The following SIL1 variants were observed in gnomAD, a reference collection of about 807,000 sequenced individuals.
The protein encoded by SIL1 is SIL1 nucleotide exchange factor.
In SIL1, 40 loss-of-function variants were observed where a neutral mutation model predicts 49.1. The ratio of observed to expected loss-of-function variants is 0.81; its 90% CI spans 0.63 to 1.06. The LOEUF is 1.06. SIL1 is among the 50% of genes least tolerant of loss of function. The pLI is 0.00. For synonymous variants in SIL1, 253 were observed against 250.8 expected (o/e 1.01, Z -0.08); for missense variants, 500 against 572.6 (o/e 0.87, Z 1.29).
chr5:138,956,015 G>T (rs1766894069), intron 7 of SIL1, among the ~76,000 whole-genome samples: 1 of 152,262 alleles, frequency 6.6e-6, no homozygotes, highest in Admixed American at 6.5e-5. Context: ...ACTGAAGAGA[G>T]CTTCTGTGAT....
intron 3 of SIL1, among the ~76,000 whole-genome samples, chr5:139,097,359 T>C (rs1206222056): frequency 1.3e-5 from 2 of 151,908 alleles, no homozygotes; most frequent in African/African-American, 4.8e-5. Flanking sequence ...TGAGTGAACA[T>C]AGGCAATAGC....
At chr5:139,089,181 G>A (rs1770289498) in intron 3 of SIL1, among the ~76,000 whole-genome samples, 2 of 152,208 alleles carry the variant, frequency 1.3e-5, no homozygotes, top group African/African-American at 4.8e-5. Context: ...AGACTCCTGA[G>A]AAGGCCTTTT....
intron 7 of SIL1, among the ~76,000 whole-genome samples, chr5:138,985,242 T>A (rs1561815995): frequency 6.6e-6 from 1 of 152,228 alleles, no homozygotes; most frequent in Non-Finnish European, 1.5e-5. Flanking sequence ...GTTTTTGGTC[T>A]CCTTCTGAGA....
intron 5 of SIL1, among the ~76,000 whole-genome samples, chr5:139,032,281 G>T (rs957149930): frequency 6.6e-6 from 1 of 152,182 alleles, no homozygotes; most frequent in Admixed American, 6.5e-5. Context: ...AATGGGTACT[G>T]AATATGGTCA....
At chr5:139,107,982 C>A (rs951775950) in intron 3 of SIL1, 1 of 152,198 alleles carries the variant, frequency 6.6e-6, no homozygotes, top group African/African-American at 2.4e-5. Context: ...CCCAGGTAGA[C>A]TGACTCTAAA....
chr5:139,026,702 G>A, intron 6 of SIL1, 99 bp downstream of exon 6: 1 of 1,059,098 alleles, frequency 9.4e-7, no homozygotes, highest in Non-Finnish European at 1.5e-6. Flanking sequence ...CTCTGGGAGA[G>A]AAGTAAAGAT....
At chr5:139,018,885 G>A (rs557115369) in intron 7 of SIL1, among the ~76,000 whole-genome samples, 12 of 152,130 alleles carry the variant, frequency 7.9e-5, no homozygotes, top group African/African-American at 2.4e-4. Flanking sequence ...CCCTGTTAAC[G>A]TAAGAAAAAG....
chr5:139,070,021 C>T (rs1441514576), intron 3 of SIL1, among the ~76,000 whole-genome samples: 1 of 151,978 alleles, frequency 6.6e-6, no homozygotes, highest in Admixed American at 6.6e-5. Context: ...ATAAGTAAGA[C>T]CGGCGGTAAA....
chr5:139,167,468 AT>A (rs1447939404), intron 1 of SIL1, among the ~76,000 whole-genome samples: 1 of 152,182 alleles, frequency 6.6e-6, no homozygotes, highest in African/African-American at 2.4e-5. Context: ...TTTTGTCTTT[AT>A]TTTTAACAAA....
chr5:138,949,136 A>AG (rs1766704710), intron 9 of SIL1, among the ~76,000 whole-genome samples: 1 of 152,234 alleles, frequency 6.6e-6, no homozygotes, highest in African/African-American at 2.4e-5. Context: ...TTATTTTCCC[A>AG]GCACCCGGCA....
intron 3 of SIL1, among the ~76,000 whole-genome samples, chr5:139,087,352 G>C (rs888141245): frequency 2.0e-5 from 3 of 152,124 alleles, no homozygotes; most frequent in Admixed American, 2.0e-4. Context: ...GGTGCCATGA[G>C]GTCCATGCTG....
At chr5:139,056,102 G>A (rs931315370) in intron 3 of SIL1, among the ~76,000 whole-genome samples, 1 of 151,762 alleles carries the variant, frequency 6.6e-6, no homozygotes, top group Admixed American at 6.5e-5. Context: ...CCCCGTCTGG[G>A]AAGTGAGGAG....
chr5:139,021,386 T>TA, intron 6 of SIL1, 94 bp from the exon 7 acceptor site: 1 of 1,543,930 alleles, frequency 6.5e-7, no homozygotes, highest in East Asian at 2.4e-5. Flanking sequence ...AAAAACAAAT[T>TA]AAAAAGCCAT....
At chr5:138,950,696 G>A (rs989863237) in intron 9 of SIL1, among the ~76,000 whole-genome samples, 8 of 152,198 alleles carry the variant, frequency 5.3e-5, no homozygotes, top group African/African-American at 1.9e-4. Flanking sequence ...CTCCTCCCAA[G>A]TGGCAAGCAA....
chr5:138,951,743 C>T (rs1057099472), intron 8 of SIL1, 45 bp downstream of exon 8: 43 of 1,559,796 alleles, frequency 2.8e-5, no homozygotes, highest in Non-Finnish European at 3.7e-5. Context: ...TCAGGCCCCA[C>T]ACGTGTCCTG....
chr5:139,101,338 G>A lies in SIL1; in HGVS notation c.244+19697C>T, dbSNP rs1339469485. Among the ~76,000 whole-genome samples, 5 of 152,020 alleles carry A rather than the reference G, an allele frequency of 3.3e-5. No homozygotes were observed. The East Asian group carries it at 9.6e-4, about 29-fold the overall frequency. On this transcript the variant is annotated intron_variant, in intron 3 of 9. Transcript: ENST00000394817. ...CCTCATCAAATACCAGCTTTTCCAA[G>A]CCCCAATTAATCTCCTATCTTTTCT...
intron 7 of SIL1, among the ~76,000 whole-genome samples, chr5:138,954,872 TAC>T (rs1229514530): frequency 2.0e-5 from 3 of 152,230 alleles, no homozygotes; most frequent in Non-Finnish European, 2.9e-5. Flanking sequence ...GAGCTAGGAC[TAC>T]CCATGTAAAA....
At position 139,084,347 on chromosome 5, in the gene SIL1, C is replaced by A. The variant is rs372629342; in HGVS notation, c.245-33301G>T. On this transcript the variant is annotated intron_variant, in intron 3 of 9. Transcript: ENST00000394817. ...GACACATGCACACGTATGTTTATTGCGGCACTATTCACAATAGCAAAGACT... is the reference window on the plus strand; with the variant it reads ...GACACATGCACACGTATGTTTATTGAGGCACTATTCACAATAGCAAAGACT... Among the ~76,000 whole-genome samples the A allele has an allele frequency of 2.3e-5, 3 of 130,262 alleles. No homozygotes were observed. In the East Asian group the frequency reaches 6.5e-4, roughly 28 times the overall value. The allele number at this position is 130,262 out of a possible 152,430, so 85.5% of individuals were successfully genotyped here.
intron 8 of SIL1, 111 bp downstream of exon 8, chr5:138,951,677 G>A (rs1176944831): frequency 9.5e-7 from 1 of 1,048,376 alleles, no homozygotes; most frequent in African/African-American, 1.6e-5. Context: ...CCACCCAGCA[G>A]ATGATGCTCA....
Sources: gnomAD v4.1 joint callset for allele counts (sites outside exome capture counted in the v4.1 genomes callset) on GRCh38, gnomAD v4.1.1 for gene constraint, MANE v1.5 for transcripts, NCBI Gene and HGNC (gene_info 2026-07-23, HGNC 2026-07-21) for gene names.